Variants in TNNI1 observed in about 807,000 individuals in gnomAD.
TNNI1 encodes troponin I, slow skeletal muscle.
TNNI1 carries 14 observed loss-of-function variants against 26.7 expected under a neutral mutation model. That is an observed-to-expected ratio of 0.52 (90% CI 0.35 to 0.82). TNNI1 has a LOEUF of 0.82. Among genes scored for constraint, TNNI1 ranks in the 40% least tolerant of loss-of-function variants. TNNI1 has a pLI of 0.01. For missense variants in TNNI1, 164 were observed against 257.0 expected (o/e 0.64, Z 2.47); for synonymous variants, 79 against 98.2 (o/e 0.80, Z 1.16).
intron 4 of TNNI1, 125 bp downstream of exon 4, chr1:201,415,088 T>A: frequency 2.3e-6 from 2 of 873,594 alleles, no homozygotes; most frequent in Non-Finnish European, 3.7e-6. Flanking sequence ...CTCCTGCCCC[T>A]CATCATCCTC....
At position 201,414,539 on chromosome 1, in the gene TNNI1, G is replaced by A. The variant is rs750496317; in HGVS notation, c.168C>T (p.Gly56=). 2 of 1,608,956 alleles carry A rather than the reference G, an allele frequency of 1.2e-6. No homozygotes were observed. The highest frequency in any genetic ancestry group is 1.7e-5 in the Admixed American group (1 of 59,560). ...TAACCTGCAGGGCACTGAGGGACAG[G>A]CCACGGGTCTGCAGCGTGGGGATGC... ...AERIPTLQTR[G]LSLSALQDLC... is the part of the protein sequence containing the mutation. The change falls in exon 5 of 9, where the codon GGC becomes GGT. Residue 56 remains glycine, a synonymous_variant. Coordinates refer to ENST00000361379, the MANE Select transcript of TNNI1 (RefSeq NM_003281.4).
chr1:201,415,370 G>A lies in TNNI1; in HGVS notation c.16-116C>T, dbSNP rs1662715184. On this transcript the variant is annotated intron_variant, in intron 3 of 8. Transcript: ENST00000361379. Reference sequence around the variant, plus strand: ...TCTCTATCTTTATCCGGAATCCTCTGCTCACCCTACGGTGCCTTAAAAGCT... The same window carrying A: ...TCTCTATCTTTATCCGGAATCCTCTACTCACCCTACGGTGCCTTAAAAGCT... The A allele has an allele frequency of 5.4e-6, 6 of 1,104,884 alleles. No homozygotes were observed. The East Asian group carries it at 1.2e-4, about 23-fold the overall frequency. 68.4% of individuals were successfully genotyped at this position (1,104,884 alleles called of 1,614,324 possible).
chr1:201,413,912 C>T (rs181708618), intron 5 of TNNI1, among the ~76,000 whole-genome samples: 1 of 152,248 alleles, frequency 6.6e-6, no homozygotes, highest in Non-Finnish European at 1.5e-5. Context: ...CCTGCCTCCG[C>T]CTTTCAAAAT....
intron 4 of TNNI1, 65 bp from the exon 5 acceptor site, chr1:201,414,714 G>A: frequency 6.3e-7 from 1 of 1,584,924 alleles, no homozygotes; most frequent in Non-Finnish European, 8.6e-7. Context: ...GGGAATGAGG[G>A]GAGGGCAGCC....
chr1:201,419,457 G>A (rs1662818711), intron 1 of TNNI1, among the ~76,000 whole-genome samples: 1 of 152,200 alleles, frequency 6.6e-6, no homozygotes. Flanking sequence ...CCTGAGCCAG[G>A]CTGTGAAATG....
chr1:201,409,497 C>T (rs1662593478), intron 8 of TNNI1, among the ~76,000 whole-genome samples: 1 of 152,224 alleles, frequency 6.6e-6, no homozygotes, highest in Admixed American at 6.5e-5. Flanking sequence ...CCTAGCCTTG[C>T]CATGCTACTC....
intron 5 of TNNI1, 148 bp downstream of exon 5, chr1:201,414,370 G>A: frequency 1.5e-6 from 1 of 663,328 alleles, no homozygotes; most frequent in South Asian, 2.3e-5. Context: ...TGGTTGTGAA[G>A]ATTAAATGAG....
intron 3 of TNNI1, among the ~76,000 whole-genome samples, chr1:201,416,197 T>A (rs1232021367): frequency 6.6e-6 from 1 of 152,220 alleles, no homozygotes; most frequent in Non-Finnish European, 1.5e-5. Flanking sequence ...GGTTGGTTTG[T>A]CTTTTCCTCT....
In TNNI1 at chr1:201,418,829, T is replaced by A. The variant is rs1662801386; in HGVS notation, c.-19-1017A>T. On this transcript the variant is annotated intron_variant, in intron 1 of 8. Coordinates refer to ENST00000361379, the MANE Select transcript of TNNI1 (RefSeq NM_003281.4). ...AGGGGTTAAATCAGTGAGTTTCCTC[T>A]TGATGTTTATTATTAATAATAAGTA... Among the ~76,000 whole-genome samples the A allele has an allele frequency of 2.0e-5, 3 of 152,294 alleles. No homozygotes were observed. The South Asian group carries it at 6.2e-4, about 32-fold the overall frequency.
At position 201,414,565 on chromosome 1, in the gene TNNI1, G is replaced by A. The variant is rs142145258; in HGVS notation, c.142C>T (p.Arg48Cys). ...EAEKVRYLAE[R>C]IPTLQTRGLS... The stretch of plus-strand genomic sequence containing the variant: ...CCACGGGTCTGCAGCGTGGGGATGC[G>A]CTCTGCCAGGTAGCGCACCTTCTCA... Residue 48 changes from arginine (R) to cysteine (C), a missense_variant, in exon 5 of 9, where the codon CGC (arginine) becomes TGC (cysteine). Transcript: ENST00000361379. 1.6e-3 allele frequency: 2,531 copies of A among 1,613,288 alleles called. 10 individuals carry two copies. The highest frequency in any genetic ancestry group is 2.2e-3 in the South Asian group (202 of 90,960).
chr1:201,413,121 C>G lies in TNNI1; in HGVS notation c.190G>C (p.Asp64His), dbSNP rs1435767838. The part of the protein sequence containing the change: ...TRGLSLSALQ[D>H]LCRELHAKVE... The stretch of plus-strand genomic sequence containing the variant: ...TTGGCGTGCAGCTCCCGGCACAGGT[C>G]CTGGGGGCCGCAGATGGATCATGCA... Residue 64 changes from aspartate to histidine, a missense_variant and splice_region_variant, in exon 6 of 9, where the codon GAC becomes CAC. This residue lies in a region of TNNI1 where 117 missense variants were observed against 158.7 expected (regional missense o/e 0.74). Coordinates refer to ENST00000361379, the MANE Select transcript of TNNI1 (RefSeq NM_003281.4). 1 of 1,613,860 alleles carries G rather than the reference C, an allele frequency of 6.2e-7. No homozygotes were observed. The highest frequency in any genetic ancestry group is 1.3e-5 in the African/African-American group (1 of 74,940).
At position 201,410,153 on chromosome 1, in the gene TNNI1, T is replaced by G. The variant is rs1464819170; in HGVS notation, c.*2+173A>C. The G allele has an allele frequency of 1.8e-5, 10 of 558,222 alleles. No homozygotes were observed. In the South Asian group the frequency reaches 2.6e-4, roughly 14 times the overall value. The allele number at this position is 558,222 out of a possible 1,614,324, so 34.6% of individuals were successfully genotyped here. A position where few individuals can be genotyped will look rare whatever the true frequency, so the allele number is the denominator to read the frequency against. ...ACAGAAATGACATGCCCAAGTATCATGGTGCTGGAGCCAGGACTGAGCCCA... is the reference window on the plus strand; with the variant it reads ...ACAGAAATGACATGCCCAAGTATCAGGGTGCTGGAGCCAGGACTGAGCCCA... On this transcript the variant is annotated intron_variant, in intron 8 of 8. Coordinates refer to ENST00000361379, the MANE Select transcript of TNNI1 (RefSeq NM_003281.4).
intron 1 of TNNI1, 38 bp downstream of exon 1, chr1:201,421,635 T>G (rs1662858670): frequency 6.6e-6 from 1 of 152,210 alleles, no homozygotes; most frequent in African/African-American, 2.4e-5. Flanking sequence ...CTGCCTGGGA[T>G]CAACCTACAT....
chr1:201,410,321 G>C lies in TNNI1; in HGVS notation c.*2+5C>G, dbSNP rs1662609975. On this transcript the variant is annotated splice_donor_5th_base_variant and intron_variant, in intron 8 of 8. Transcript: ENST00000361379. The stretch of plus-strand genomic sequence containing the variant: ...CCCCAGAGAAGGGAGCTGGTCTCTA[G>C]GTACCTCTATTGTGAGGTCGGAGAC... 6.2e-7 allele frequency: 1 copy of C among 1,612,448 alleles called. No homozygotes were observed. Among genetic ancestry groups the C allele is most frequent in the East Asian group, 2.2e-5 (1 of 44,872 alleles).
chr1:201,421,453 GAA>G (rs752865561), intron 1 of TNNI1, among the ~76,000 whole-genome samples: 1 of 152,200 alleles, frequency 6.6e-6, no homozygotes, highest in Non-Finnish European at 1.5e-5. Flanking sequence ...AAATGGCCAG[GAA>G]AAAGTTTCAC....
At chr1:201,420,429 C>T (rs969615158) in intron 1 of TNNI1, among the ~76,000 whole-genome samples, 1 of 152,062 alleles carries the variant, frequency 6.6e-6, no homozygotes, top group African/African-American at 2.4e-5. Context: ...AGAAAATCCT[C>T]CCCCCGAGGG....
chr1:201,417,201 G>A (rs1054818310), intron 2 of TNNI1, 82 bp from the exon 3 acceptor site: 25 of 1,586,756 alleles, frequency 1.6e-5, no homozygotes, highest in Admixed American at 5.0e-5. Flanking sequence ...ATGTGCAGTC[G>A]CAGAACCTCA....
intron 1 of TNNI1, among the ~76,000 whole-genome samples, chr1:201,418,786 T>C (rs16848560): frequency 0.014 from 2,200 of 152,302 alleles, 50 homozygotes; most frequent in African/African-American, 0.05. Context: ...CTGGGTTGGT[T>C]TTCCTCTCTG....
At chr1:201,418,781 T>C (rs1295358091) in intron 1 of TNNI1, among the ~76,000 whole-genome samples, 1 of 152,172 alleles carries the variant, frequency 6.6e-6, no homozygotes, top group African/African-American at 2.4e-5. Context: ...CCTCTCTGGG[T>C]TGGTTTTCCT....
Sources: allele counts gnomAD v4.1 joint callset (sites outside exome capture counted in the v4.1 genomes callset), GRCh38; gene constraint gnomAD v4.1.1; regional missense constraint gnomAD v4.1.1; transcripts MANE v1.5; gene names NCBI Gene and HGNC (gene_info 2026-07-23, HGNC 2026-07-21).